Variants in CNTNAP2 observed in about 807,000 individuals in gnomAD.
CNTNAP2 encodes contactin-associated protein-like 2.
In CNTNAP2, 98 loss-of-function variants were observed where a neutral mutation model predicts 155.2. That is an observed-to-expected ratio of 0.63 (90% CI 0.54 to 0.75). The LOEUF (loss-of-function observed/expected upper bound fraction) is 0.75. CNTNAP2 is among the 30% of genes least tolerant of loss of function. The pLI is 0.00. For synonymous variants in CNTNAP2, 651 were observed against 631.2 expected, an observed-to-expected ratio of 1.03 and a Z score of -0.47; for missense variants, 1,727 against 1,688.1, an observed-to-expected ratio of 1.02 and a Z score of -0.40.
intron 12 of CNTNAP2, among the ~76,000 whole-genome samples, chr7:147,568,962 AT>A (rs1000731167): frequency 1.3e-5 from 2 of 151,846 alleles, no homozygotes; most frequent in African/African-American, 4.8e-5. Context: ...CTTTGCATTC[AT>A]TTTTTTCTTA....
chr7:146,153,952 T>G (rs1328582257), intron 1 of CNTNAP2, among the ~76,000 whole-genome samples: 1 of 152,182 alleles, frequency 6.6e-6, no homozygotes, highest in African/African-American at 2.4e-5. Context: ...TTCCACCTTT[T>G]TGTTTTGTTT....
intron 8 of CNTNAP2, among the ~76,000 whole-genome samples, chr7:147,238,124 C>T (rs1372530827): frequency 6.6e-6 from 1 of 152,218 alleles, no homozygotes; most frequent in Non-Finnish European, 1.5e-5. Context: ...ACGCCATTCT[C>T]CTGCCTCGGC....
At chr7:147,242,319 C>A (rs572486125) in intron 8 of CNTNAP2, among the ~76,000 whole-genome samples, 2 of 152,142 alleles carry the variant, frequency 1.3e-5, no homozygotes, top group Non-Finnish European at 2.9e-5. Flanking sequence ...AAAACATTTC[C>A]TTTGCCAAGT....
intron 1 of CNTNAP2, among the ~76,000 whole-genome samples, chr7:146,261,702 T>G (rs1335161920): frequency 6.6e-6 from 1 of 152,142 alleles, no homozygotes; most frequent in South Asian, 2.1e-4. Context: ...CTGCAAAGGT[T>G]GTAGCTGAAC....
rs565069216 is a variant in CNTNAP2 at position 147,356,600 on chromosome 7, A to G, written c.1499-39009A>G. 2.0e-5 allele frequency among the ~76,000 whole-genome samples: 3 copies of G among 152,272 alleles called. No homozygotes were observed. In the East Asian group the frequency reaches 5.8e-4, roughly 29 times the overall value. On this transcript the variant is annotated intron_variant, in intron 9 of 23. Coordinates refer to ENST00000361727, the MANE Select transcript of CNTNAP2 (RefSeq NM_014141.6). The stretch of plus-strand genomic sequence containing the variant: ...ATTTAGTATTTAGTCTAGTTTTAAG[A>G]AAGTCTTCTCTCACCTACCACTATT...
chr7:146,531,195 A>C (rs1797764025), intron 1 of CNTNAP2, among the ~76,000 whole-genome samples: 1 of 152,140 alleles, frequency 6.6e-6, no homozygotes, highest in Non-Finnish European at 1.5e-5. Flanking sequence ...CAAAAAAGGG[A>C]ATGACAGAGA....
intron 14 of CNTNAP2, among the ~76,000 whole-genome samples, chr7:147,939,719 G>A (rs1005665015): frequency 2.6e-5 from 4 of 152,090 alleles, no homozygotes; most frequent in African/African-American, 7.2e-5. Context: ...CAAGAATGAC[G>A]AAAGGAGCTA....
intron 1 of CNTNAP2, among the ~76,000 whole-genome samples, chr7:146,573,720 G>A (rs1427457536): frequency 6.6e-6 from 1 of 152,276 alleles, no homozygotes; most frequent in Admixed American, 6.5e-5. Context: ...CACAGTGTGA[G>A]GATTTTGCGT....
At chr7:146,191,142 G>A (rs920669702) in intron 1 of CNTNAP2, among the ~76,000 whole-genome samples, 9 of 152,212 alleles carry the variant, frequency 5.9e-5, no homozygotes, top group East Asian at 3.9e-4. Flanking sequence ...ATAATTCAAC[G>A]TAGGTTCTTT....
At chr7:146,913,503 G>C (rs368739268) in intron 3 of CNTNAP2, among the ~76,000 whole-genome samples, 66 of 152,148 alleles carry the variant, frequency 4.3e-4, no homozygotes, top group Middle Eastern at 3.4e-3. Flanking sequence ...AGTTCTTCAG[G>C]CTGAGAAGTC....
intron 12 of CNTNAP2, among the ~76,000 whole-genome samples, chr7:147,620,017 A>G (rs1024453752): frequency 3.9e-5 from 6 of 152,228 alleles, no homozygotes; most frequent in African/African-American, 1.4e-4. Flanking sequence ...GGAAGAAGAA[A>G]GAGAACAAGA....
chr7:148,058,622 C>A (rs1396423235), intron 15 of CNTNAP2, among the ~76,000 whole-genome samples: 2 of 152,080 alleles, frequency 1.3e-5, no homozygotes, highest in Non-Finnish European at 2.9e-5. Context: ...CGAGAGTGGT[C>A]ATTTCCTTGC....
At chr7:146,302,342 C>T (rs1345466869) in intron 1 of CNTNAP2, among the ~76,000 whole-genome samples, 1 of 152,090 alleles carries the variant, frequency 6.6e-6, no homozygotes, top group East Asian at 1.9e-4. Context: ...TTAAATGACA[C>T]AACTTGTCAA....
intron 1 of CNTNAP2, among the ~76,000 whole-genome samples, chr7:146,653,495 A>G (rs1490333689): frequency 6.6e-6 from 1 of 152,186 alleles, no homozygotes; most frequent in Non-Finnish European, 1.5e-5. Flanking sequence ...GAACATTTGT[A>G]TTGACTCTTA....
At chr7:147,334,482 T>G (rs1795631436) in intron 9 of CNTNAP2, among the ~76,000 whole-genome samples, 1 of 152,214 alleles carries the variant, frequency 6.6e-6, no homozygotes, top group Non-Finnish European at 1.5e-5. Context: ...AACAGGCACT[T>G]ATAACCATAA....
intron 1 of CNTNAP2, among the ~76,000 whole-genome samples, chr7:146,724,542 G>T (rs968008105): frequency 1.2e-4 from 17 of 145,238 alleles, no homozygotes; most frequent in African/African-American, 4.3e-4. Context: ...GACTTTAGAA[G>T]CATGCTGTTA....
At chr7:147,406,230 A>G (rs1246632281) in intron 10 of CNTNAP2, among the ~76,000 whole-genome samples, 1 of 152,160 alleles carries the variant, frequency 6.6e-6, no homozygotes, top group Non-Finnish European at 1.5e-5. Flanking sequence ...AGGAAGGACA[A>G]TCTGTTACAT....
chr7:148,109,311 C>G, intron 15 of CNTNAP2, among the ~76,000 whole-genome samples: 1 of 152,192 alleles, frequency 6.6e-6, no homozygotes, highest in Non-Finnish European at 1.5e-5. Context: ...TTATTCTCAC[C>G]ACCCAATAAG....
At chr7:146,822,222 C>CA (rs1474078867) in intron 2 of CNTNAP2, among the ~76,000 whole-genome samples, 2 of 151,862 alleles carry the variant, frequency 1.3e-5, no homozygotes, top group South Asian at 2.1e-4. Flanking sequence ...ATCGCAAGGA[C>CA]AAAAAACCCA....
Sources: gnomAD v4.1 joint callset for allele counts (sites outside exome capture counted in the v4.1 genomes callset) on GRCh38, gnomAD v4.1.1 for gene constraint, MANE v1.5 for transcripts, NCBI Gene and HGNC (gene_info 2026-07-23, HGNC 2026-07-21) for gene names.